The following SLC38A10 variants were observed in gnomAD, a reference collection of about 807,000 sequenced individuals.
The protein encoded by SLC38A10 is Sodium-coupled neutral amino acid transporter 10.
Under a neutral mutation model 81.0 loss-of-function variants are expected in SLC38A10, and 53 were observed. The observed-to-expected ratio is 0.65, with a 90% confidence interval of 0.53 to 0.82. The LOEUF (loss-of-function observed/expected upper bound fraction) is 0.82. SLC38A10 is among the 40% of genes least tolerant of loss of function. SLC38A10 has a pLI of 0.00. For missense variants in SLC38A10, 1,471 were observed against 1,545.0 expected, an observed-to-expected ratio of 0.95 and a Z score of 0.80; for synonymous variants, 665 against 655.3, an observed-to-expected ratio of 1.01 and a Z score of -0.23.
At chr17:81,251,389 C>A in intron 14 of SLC38A10, 104 bp downstream of exon 14, 3 of 1,612,140 alleles carry the variant, frequency 1.9e-6, no homozygotes, top group Non-Finnish European at 2.5e-6. Flanking sequence ...AGAAGGGGGG[C>A]CTGGCAGGGC....
At chr17:81,254,931 T>C (rs755174900) in intron 11 of SLC38A10, among the ~76,000 whole-genome samples, 6 of 152,202 alleles carry the variant, frequency 3.9e-5, no homozygotes, top group Admixed American at 2.6e-4. Context: ...AGGGAAAATA[T>C]AGCAAAACAA....
intron 15 of SLC38A10, 81 bp downstream of exon 15, chr17:81,246,804 G>C (rs1056640269): frequency 3.3e-6 from 5 of 1,510,898 alleles, no homozygotes; most frequent in Non-Finnish European, 4.4e-6. Context: ...AGAGGCCACC[G>C]AGCCTCAGAC....
At position 81,283,773 on chromosome 17, in the gene SLC38A10, C is replaced by G. The variant is rs2063238064; in HGVS notation, c.264-271G>C. On this transcript the variant is annotated intron_variant, in intron 3 of 15. Transcript: ENST00000374759. The surrounding 1 kb of genome is among the most constrained non-coding windows in gnomAD (Gnocchi z 4.7). Reference sequence around the variant, plus strand: ...GGAGTAGCCGAGTAGCCACGCCCGGCTAATTGTTTGTATTTTTAGTAGAGA... The same window carrying G: ...GGAGTAGCCGAGTAGCCACGCCCGGGTAATTGTTTGTATTTTTAGTAGAGA... 6.6e-6 allele frequency among the ~76,000 whole-genome samples: 1 copy of G among 151,820 alleles called. No individual in the cohort carries two copies. Among genetic ancestry groups the G allele is most frequent in the Admixed American group, 6.6e-5 (1 of 15,234 alleles).
intron 4 of SLC38A10, 29 bp from the exon 5 acceptor site, chr17:81,282,361 C>T (rs931869670): frequency 1.9e-6 from 3 of 1,585,872 alleles, no homozygotes; most frequent in African/African-American, 1.3e-5. Flanking sequence ...GGGTCTTGGC[C>T]ACAGCCCGTG....
chr17:81,260,165 C>T (rs1460348490), intron 11 of SLC38A10, 73 bp downstream of exon 11: 25 of 1,504,222 alleles, frequency 1.7e-5, no homozygotes, highest in Non-Finnish European at 2.1e-5. Context: ...TAAGCACAAT[C>T]CTCGGACCAG....
In SLC38A10 at chr17:81,272,180, G is replaced by A. The variant is rs143576662; in HGVS notation, c.1024+336C>T. Among the ~76,000 whole-genome samples the A allele has an allele frequency of 7.7e-3, 1,125 of 146,976 alleles. 13 individuals carry two copies. The highest frequency in any genetic ancestry group is 0.026 in the African/African-American group (1,073 of 41,084). On this transcript the variant is annotated intron_variant, in intron 9 of 15. Coordinates refer to ENST00000374759, the MANE Select transcript of SLC38A10 (RefSeq NM_001037984.3). Reference sequence around the variant, plus strand: ...CCCAAGTAGCTAGGATTACAGGCATGCACCATGACGCCCTGCTAATTTTGT... The same window carrying A: ...CCCAAGTAGCTAGGATTACAGGCATACACCATGACGCCCTGCTAATTTTGT...
chr17:81,292,057 A>G (rs1555632293), intron 1 of SLC38A10, among the ~76,000 whole-genome samples: 1 of 152,124 alleles, frequency 6.6e-6, no homozygotes, highest in Non-Finnish European at 1.5e-5. Context: ...TTGTATGTCA[A>G]ACTTCAATGT....
At chr17:81,260,760 C>T (rs551108202) in intron 10 of SLC38A10, among the ~76,000 whole-genome samples, 14 of 152,314 alleles carry the variant, frequency 9.2e-5, no homozygotes, top group Admixed American at 6.5e-4. Flanking sequence ...CAGGACGGAG[C>T]GGGAGGGACA....
chr17:81,294,895 C>A lies in SLC38A10; in HGVS notation c.27G>T (p.Trp9Cys), dbSNP rs370043467. Reference protein sequence around the residue: MTAAAASNWGLITNIVNSI... With the variant: MTAAAASNCGLITNIVNSI... ...TGTTCACGATGTTCGTGATCAGCCC[C>A]CAGTTGGAGGCGGCGGCCGCGGTCA... The change falls in exon 1 of 16, where the codon TGG becomes TGT. Residue 9 changes from tryptophan to cysteine, a missense_variant. Around this residue, in one of 2 missense-constraint regions of SLC38A10, gnomAD observed 720 missense variants for 827.7 expected, o/e 0.87. Coordinates refer to ENST00000374759, the MANE Select transcript of SLC38A10 (RefSeq NM_001037984.3). 3.1e-6 allele frequency: 5 copies of A among 1,593,072 alleles called. No individual in the cohort carries two copies. The African/African-American group carries it at 4.1e-5, about 13-fold the overall frequency.
rs377547864 is a variant in SLC38A10, at chr17:81,270,189, G to C, written c.1131+729C>G. ...GAGCCTGGCTGGGAGTGACGCTGCA[G>C]GCACTTTGGGTAGAGCCACCACATT... is the stretch of plus-strand genomic sequence containing the variant. On this transcript the variant is annotated intron_variant, in intron 10 of 15. Transcript: ENST00000374759. The surrounding 1 kb of genome is among the most constrained non-coding windows in gnomAD (Gnocchi z 4.0). Among the ~76,000 whole-genome samples, 24 of 152,316 alleles carry C rather than the reference G, an allele frequency of 1.6e-4. No homozygotes were observed. The East Asian group carries it at 4.4e-3, about 28-fold the overall frequency.
chr17:81,258,795 C>T (rs1300607938), intron 11 of SLC38A10, among the ~76,000 whole-genome samples: 1 of 152,210 alleles, frequency 6.6e-6, no homozygotes, highest in Non-Finnish European at 1.5e-5. Context: ...TCCAGGTGGA[C>T]GTTTTTCCAG....
rs2063267552 is a variant in SLC38A10, at chr17:81,286,421, C to CT, written c.218-1527dup. On this transcript the variant is annotated intron_variant, in intron 2 of 15. Transcript: ENST00000374759. This position sits in a 1 kb window ranked among gnomAD's most constrained non-coding sequence, Gnocchi z 6.0. ...GCTGAGACACGGCCCCACGCGCCTT[C>CT]TTTTCCCCACCTGGGCCAAACCCTC... Among the ~76,000 whole-genome samples, 1 of 152,184 alleles carries CT rather than the reference C, an allele frequency of 6.6e-6. No homozygotes were observed. The highest frequency in any genetic ancestry group is 2.1e-4 in the South Asian group (1 of 4,834).
intron 10 of SLC38A10, among the ~76,000 whole-genome samples, chr17:81,260,799 C>T (rs1357279000): frequency 2.6e-5 from 4 of 152,198 alleles, no homozygotes; most frequent in Non-Finnish European, 5.9e-5. Flanking sequence ...AGGTACGTGA[C>T]GAGCCTTAGG....
rs964997751 is a variant in SLC38A10 at position 81,276,512 on chromosome 17, C to A, written c.730-361G>T. Among the ~76,000 whole-genome samples the A allele has an allele frequency of 4.6e-5, 7 of 152,016 alleles. No homozygotes were observed. Among genetic ancestry groups the A allele is most frequent in the Non-Finnish European group, 8.8e-5 (6 of 67,992 alleles). ...GTTCAAGCAATTCTCCTGCCTCAGC[C>A]TCCCGAGTAGCCGGGTTTACATGCA... On this transcript the variant is annotated intron_variant, in intron 7 of 15. Coordinates refer to ENST00000374759, the MANE Select transcript of SLC38A10 (RefSeq NM_001037984.3). The surrounding 1 kb of genome is among the most constrained non-coding windows in gnomAD (Gnocchi z 4.7).
chr17:81,258,659 C>T (rs1355781915), intron 11 of SLC38A10, among the ~76,000 whole-genome samples: 3 of 152,134 alleles, frequency 2.0e-5, no homozygotes, highest in Non-Finnish European at 4.4e-5. Context: ...TACCACAATC[C>T]CACCGACAGC....
chr17:81,254,953 G>A (rs1037921372), intron 11 of SLC38A10, among the ~76,000 whole-genome samples: 10 of 152,368 alleles, frequency 6.6e-5, no homozygotes, highest in Non-Finnish European at 1.2e-4. Flanking sequence ...GGAAATCTCC[G>A]TTGTCATAGG....
At chr17:81,259,756 C>A (rs1350169878) in intron 11 of SLC38A10, among the ~76,000 whole-genome samples, 1 of 152,218 alleles carries the variant, frequency 6.6e-6, no homozygotes, top group South Asian at 2.1e-4. Context: ...CCTCCTGAAG[C>A]GGCCTGCAGC....
Position 81,283,605 on chromosome 17 carries a change from G to A in SLC38A10, c.264-103C>T. 1 of 740,032 alleles carries A rather than the reference G, an allele frequency of 1.4e-6. No homozygotes were observed. Among genetic ancestry groups the A allele is most frequent in the South Asian group, 1.7e-5 (1 of 58,498 alleles). 45.8% of individuals were successfully genotyped at this position (740,032 alleles called of 1,614,324 possible). ...CAAGGCTGGGCTGAATGACAGATGT[G>A]ATTTCTTTTTTCTTTTTTTTTTTTT... is the stretch of plus-strand genomic sequence containing the variant. On this transcript the variant is annotated intron_variant, in intron 3 of 15. Transcript: ENST00000374759. This position sits in a 1 kb window ranked among gnomAD's most constrained non-coding sequence, Gnocchi z 4.7.
Position 81,262,186 on chromosome 17 carries a change from G to T in SLC38A10, c.1132-1792C>A, listed in dbSNP as rs78907000. ...GGATGGCCGTGGCTTAGAGGCCTGAGGCCGGAAGGAAAGGCCTTGCCTCTT... is the reference window on the plus strand; with the variant it reads ...GGATGGCCGTGGCTTAGAGGCCTGATGCCGGAAGGAAAGGCCTTGCCTCTT... On this transcript the variant is annotated intron_variant, in intron 10 of 15. Transcript: ENST00000374759. 7.3e-3 allele frequency among the ~76,000 whole-genome samples: 1,117 copies of T among 152,310 alleles called. 14 individuals are homozygous for T. Among genetic ancestry groups the T allele is most frequent in the African/African-American group, 0.025 (1,059 of 41,566 alleles).
Sources: gnomAD v4.1 joint callset for allele counts (sites outside exome capture counted in the v4.1 genomes callset) on GRCh38, gnomAD v4.1.1 for gene constraint, gnomAD v4.1.1 regional missense constraint, Gnocchi (gnomAD v3.1) non-coding constraint, MANE v1.5 for transcripts, NCBI Gene and HGNC (gene_info 2026-07-23, HGNC 2026-07-21) for gene names.